Variants in TTN observed in about 807,000 individuals in gnomAD.
TTN encodes the protein connectin.
In TTN, 1,525 loss-of-function variants were observed where a neutral mutation model predicts 3,223.0. The ratio of observed to expected loss-of-function variants is 0.47; its 90% confidence interval spans 0.45 to 0.49. The LOEUF (loss-of-function observed/expected upper bound fraction) is 0.49, where lower values mean the gene tolerates loss of function less well. Ranked by LOEUF, TTN falls within the 20% of genes least tolerant of loss-of-function variation. The pLI, the probability that TTN is intolerant of heterozygous loss-of-function variation, is 0.00. For missense variants in TTN, 40,786 were observed against 43,424.0 expected, an observed-to-expected ratio of 0.94 and a Z score of 5.40; for synonymous variants, 14,094 against 15,161.0, an observed-to-expected ratio of 0.93 and a Z score of 5.17.
intron 153 of TTN, 63 bp downstream of exon 153, chr2:178,672,572 A>G: frequency 6.2e-7 from 1 of 1,604,120 alleles, no homozygotes; most frequent in Admixed American, 1.7e-5. Context: ...CAGAGACATG[A>G]AACATAAAAG....
At position 178,725,922 on chromosome 2, in the gene TTN, T is replaced by G; in HGVS notation, c.20400A>C (p.Gln6800His). The G allele has an allele frequency of 6.2e-7, 1 of 1,613,090 alleles. No individual in the cohort carries two copies. The highest frequency in any genetic ancestry group is 8.5e-7 in the Non-Finnish European group (1 of 1,179,430). ...FEVVWYKDKR[Q>H]LRSSKKYKIA... ...TCTTGTATTTCTTGCTGCTTCTGAG[T>G]TGCCGCTTGTCTTTGTACCATACCA... The change falls in exon 70 of 363, where the codon CAA (glutamine) becomes CAC (histidine). Residue 6800 changes from glutamine to histidine, a missense_variant. Gln to His is a conservative substitution (Grantham distance 24, BLOSUM62 0). Transcript: ENST00000589042.
At position 178,709,561 on chromosome 2, in the gene TTN, C is replaced by T; in HGVS notation, c.28753+5G>A. 6.2e-7 allele frequency: 1 copy of T among 1,600,156 alleles called. No homozygotes were observed. Among genetic ancestry groups the T allele is most frequent in the Non-Finnish European group, 8.6e-7 (1 of 1,168,792 alleles). ...CAACAGGTTGGGGCTGTGAGGATAA[C>T]TCACCTTTGATGACGATTGAAGACG... On this transcript the variant is annotated splice_donor_5th_base_variant and intron_variant, in intron 99 of 362. Transcript: ENST00000589042.
chr2:178,614,688 T>C lies in TTN; in HGVS notation c.48826A>G (p.Ile16276Val). 1.2e-6 allele frequency: 2 copies of C among 1,612,282 alleles called. No homozygotes were observed. The highest frequency in any genetic ancestry group is 1.7e-6 in the Non-Finnish European group (2 of 1,179,044). Residue 16276 changes from isoleucine (I) to valine (V), a missense_variant, in exon 261 of 363, where the codon ATT becomes GTT. Coordinates refer to ENST00000589042, the MANE Select transcript of TTN (RefSeq NM_001267550.2). ...AGLTVKAGTK[I>V]ELPATVTGKP... Reference sequence around the variant, plus strand: ...CCGGTTACGGTGGCAGGAAGTTCAATCTTGGTCCCAGCTTTTACAGTGAGA... The same window carrying C: ...CCGGTTACGGTGGCAGGAAGTTCAACCTTGGTCCCAGCTTTTACAGTGAGA...
At chr2:178,771,918 G>A (rs1489693718) in intron 33 of TTN, among the ~76,000 whole-genome samples, 3 of 152,146 alleles carry the variant, frequency 2.0e-5, no homozygotes, top group Non-Finnish European at 4.4e-5. Context: ...AAAAATCACT[G>A]TGTTGGCAAA....
chr2:178,628,243 C>T (rs1193959952), intron 240 of TTN, among the ~76,000 whole-genome samples: 1 of 152,040 alleles, frequency 6.6e-6, no homozygotes, highest in Non-Finnish European at 1.5e-5. Flanking sequence ...TACTTGAAGG[C>T]ATTGCTTTCA....
chr2:178,553,051 A>T lies in TTN; in HGVS notation c.89849T>A (p.Val29950Asp). 1 of 1,612,412 alleles carries T rather than the reference A, an allele frequency of 6.2e-7. No homozygotes were observed. The highest frequency in any genetic ancestry group is 8.5e-7 in the Non-Finnish European group (1 of 1,179,634). ...GAGAGGAGGATCCCAGAGCAAAGTG[A>T]CTGTGCCTCGAGAAACATGTTTAAC... ...LQVKHVSRGT[V>D]TLLWDPPLID... Residue 29950 changes from valine to aspartate, a missense_variant, in exon 335 of 363, where the codon GTC becomes GAC. Coordinates refer to ENST00000589042, the MANE Select transcript of TTN (RefSeq NM_001267550.2).
At chr2:178,686,342 G>A (rs1044855932) in intron 127 of TTN, among the ~76,000 whole-genome samples, 16 of 150,992 alleles carry the variant, frequency 1.1e-4, no homozygotes, top group African/African-American at 3.9e-4. Flanking sequence ...GGATGGTCTC[G>A]ATCTCCTGAC....
intron 102 of TTN, among the ~76,000 whole-genome samples, chr2:178,705,582 AG>A (rs1185681151): frequency 6.6e-6 from 1 of 152,166 alleles, no homozygotes; most frequent in Non-Finnish European, 1.5e-5. Flanking sequence ...ATATAGATGT[AG>A]GAATGAAAAT....
intron 21 of TTN, among the ~76,000 whole-genome samples, chr2:178,780,542 A>G (rs1195568050): frequency 6.6e-6 from 1 of 152,232 alleles, no homozygotes; most frequent in Non-Finnish European, 1.5e-5. Context: ...AAATGAAGAT[A>G]ATATTGTAAT....
At chr2:178,673,588 A>G (rs749707576) in intron 152 of TTN, 45 bp downstream of exon 152, 2 of 1,456,422 alleles carry the variant, frequency 1.4e-6, no homozygotes, top group South Asian at 2.9e-5. Flanking sequence ...TAAGAAAGAA[A>G]ATTAATGGGA....
In TTN at chr2:178,545,613, A is replaced by T. The variant is rs764271138; in HGVS notation, c.95497T>A (p.Ser31833Thr). ...HIIIQWTKPE[S>T]DGGNEISNYL... ...TTGCTGATTTCATTGCCACCATCAG[A>T]TTCAGGTTTTGTCCACTGAATGATG... The change falls in exon 344 of 363, where the codon TCT becomes ACT. Residue 31833 changes from serine to threonine, a missense_variant. By Grantham distance (58) the Ser-to-Thr change is moderately conservative. Transcript: ENST00000589042. 9 of 1,613,618 alleles carry T rather than the reference A, an allele frequency of 5.6e-6. No individual in the cohort carries two copies. The highest frequency in any genetic ancestry group is 6.8e-6 in the Non-Finnish European group (8 of 1,179,732).
chr2:178,564,979 G>A lies in TTN; in HGVS notation c.81153C>T (p.Asn27051=). 6.2e-7 allele frequency: 1 copy of A among 1,611,804 alleles called. No homozygotes were observed. The highest frequency in any genetic ancestry group is 8.5e-7 in the Non-Finnish European group (1 of 1,178,996). ...TEYQFRIFAE[N]RYGKSAPLDS... ...CCAGTGGGGCACTTTTTCCATACCTGTTTTCAGCAAAAATTCTAAACTGGT... is the reference window on the plus strand; with the variant it reads ...CCAGTGGGGCACTTTTTCCATACCTATTTTCAGCAAAAATTCTAAACTGGT... Residue 27051 remains asparagine (N), a synonymous_variant, in exon 326 of 363, where the codon AAC becomes AAT. Transcript: ENST00000589042.
In TTN at chr2:178,566,770, A is replaced by G; in HGVS notation, c.79362T>C (p.Asp26454=). 4 of 1,613,392 alleles carry G rather than the reference A, an allele frequency of 2.5e-6. No homozygotes were observed. Among genetic ancestry groups the G allele is most frequent in the Non-Finnish European group, 3.4e-6 (4 of 1,179,674 alleles). Residue 26454 remains aspartate, a synonymous_variant, in exon 326 of 363, where the codon GAT becomes GAC. Coordinates refer to ENST00000589042, the MANE Select transcript of TTN (RefSeq NM_001267550.2). ...CAGAGACCCTGAATTCATACTCATG[A>G]TCTTCTGTTAATCCTGTCACTCTTA... The part of the protein sequence containing the change: ...LRLRVTGLTE[D]HEYEFRVSAE...
Position 178,633,667 on chromosome 2 carries a change from GGA to G in TTN, c.42690_42691del (p.Pro14231LeufsTer8). ...GTCATGTAATTTCACAGTGAAGTAG[GGA>G]TCGGCCTCTGTAAAAGACATTTAGC... On this transcript the variant is annotated frameshift_variant, in exon 232 of 363. Coordinates refer to ENST00000589042, the MANE Select transcript of TTN (RefSeq NM_001267550.2). LOFTEE classifies it high-confidence loss of function. 2 of 1,612,490 alleles carry G rather than the reference GGA, an allele frequency of 1.2e-6. No individual in the cohort carries two copies. The highest frequency in any genetic ancestry group is 1.7e-6 in the Non-Finnish European group (2 of 1,179,306).
At chr2:178,688,276 T>TA in intron 126 of TTN, 52 bp from the exon 127 acceptor site, 1 of 1,498,200 alleles carries the variant, frequency 6.7e-7, no homozygotes, top group Non-Finnish European at 9.3e-7. Context: ...TACAGATGTA[T>TA]ATACAGCCAT....
chr2:178,588,435 T>C, intron 304 of TTN, 103 bp downstream of exon 304: 1 of 1,337,190 alleles, frequency 7.5e-7, no homozygotes, highest in South Asian at 1.7e-5. Flanking sequence ...TAAATACAGT[T>C]TGGATGTTAC....
rs1015028448 is a variant in TTN, at chr2:178,778,982, C to T, written c.4100G>A (p.Ser1367Asn). The change falls in exon 24 of 363, where the codon AGC becomes AAC. Residue 1367 changes from serine to asparagine, a missense_variant. Ser to Asn is a conservative substitution (Grantham distance 46, BLOSUM62 1). Transcript: ENST00000589042. ...EDEGIYTAFASNIKGNAICSG... is the reference protein window; with the variant it reads ...EDEGIYTAFANNIKGNAICSG... Reference sequence around the variant, plus strand: ...GCAAATTGCATTTCCTTTAATATTGCTGGCAAATGCAGTGTAGATTCCTTC... The same window carrying T: ...GCAAATTGCATTTCCTTTAATATTGTTGGCAAATGCAGTGTAGATTCCTTC... The T allele has an allele frequency of 1.9e-6, 3 of 1,614,000 alleles. No homozygotes were observed. Among genetic ancestry groups the T allele is most frequent in the Non-Finnish European group, 2.5e-6 (3 of 1,179,956 alleles).
chr2:178,564,426 C>G lies in TTN; in HGVS notation c.81706G>C (p.Val27236Leu), dbSNP rs763018145. ...LETEFTVSGL[V>L]EDQRYEFRVI... ...CTAAATTCATATCTTTGGTCTTCTA[C>G]AAGTCCACTCACTGTAAATTCAGTT... The change falls in exon 326 of 363, where the codon GTA becomes CTA. Residue 27236 changes from valine (V) to leucine (L), a missense_variant. By Grantham distance (32) the Val-to-Leu change is conservative. Coordinates refer to ENST00000589042, the MANE Select transcript of TTN (RefSeq NM_001267550.2). 15 of 1,612,866 alleles carry G rather than the reference C, an allele frequency of 9.3e-6. No homozygotes were observed. In the South Asian group the frequency reaches 1.5e-4, roughly 17 times the overall value.
At chr2:178,744,539 A>T in intron 47 of TTN, 1 of 882,446 alleles carries the variant, frequency 1.1e-6, no homozygotes, top group Non-Finnish European at 1.4e-6. Context: ...TTAGAAACAT[A>T]AACATCACAA....
Sources: allele counts gnomAD v4.1 joint callset (sites outside exome capture counted in the v4.1 genomes callset), GRCh38; gene constraint gnomAD v4.1.1; transcripts MANE v1.5; gene names NCBI Gene and HGNC (gene_info 2026-07-23, HGNC 2026-07-21).